HAT1: variants seen among roughly 807,000 people sequenced by gnomAD.
The protein encoded by HAT1 is histone acetyltransferase type B catalytic subunit.
In HAT1, 20 loss-of-function variants were observed where a neutral mutation model predicts 56.6. The ratio of observed to expected loss-of-function variants is 0.35; its 90% CI spans 0.25 to 0.51. The LOEUF is 0.51. HAT1 is among the 20% of genes least tolerant of loss of function. The pLI is 0.95. For synonymous variants in HAT1, 146 were observed against 165.5 expected, an observed-to-expected ratio of 0.88 and a Z score of 0.91; for missense variants, 408 against 504.3, an observed-to-expected ratio of 0.81 and a Z score of 1.83.
At chr2:171,970,353 G>A (rs935192335) in intron 8 of HAT1, among the ~76,000 whole-genome samples, 16 of 151,628 alleles carry the variant, frequency 1.1e-4, no homozygotes, top group Middle Eastern at 6.8e-3. Flanking sequence ...CCTGTGAGCC[G>A]AGATCCTGCC....
At position 171,983,364 on chromosome 2, in the gene HAT1, C is replaced by G. The variant is rs374125888; in HGVS notation, c.*12C>G. 2 of 1,545,722 alleles carry G rather than the reference C, an allele frequency of 1.3e-6. No individual in the cohort carries two copies. The highest frequency in any genetic ancestry group is 2.4e-5 in the South Asian group (2 of 84,352). On this transcript the variant is annotated 3_prime_UTR_variant, in exon 11 of 11. Transcript: ENST00000264108. ...TTGCTCAAGAGTAAAGATTATACTGCTCTGTACAGGAAGCTTGCAAATTTT... is the reference window on the plus strand; with the variant it reads ...TTGCTCAAGAGTAAAGATTATACTGGTCTGTACAGGAAGCTTGCAAATTTT...
rs370493863 is a variant in HAT1, at chr2:171,954,138, G to A, written c.309+1137G>A. 2.7e-4 allele frequency among the ~76,000 whole-genome samples: 41 copies of A among 152,204 alleles called. 1 individual carries two copies. Among genetic ancestry groups the A allele is most frequent in the Non-Finnish European group, 6.0e-4 (41 of 68,008 alleles). On this transcript the variant is annotated intron_variant, in intron 4 of 10. Transcript: ENST00000264108. Reference sequence around the variant, plus strand: ...CTTCTTCATAAAAATCTTTGCCTTTGTGATCAGAGTTTTATTTTTTTGCCA... The same window carrying A: ...CTTCTTCATAAAAATCTTTGCCTTTATGATCAGAGTTTTATTTTTTTGCCA...
chr2:171,941,872 A>G (rs1008116696), intron 2 of HAT1, among the ~76,000 whole-genome samples: 1 of 151,932 alleles, frequency 6.6e-6, no homozygotes, highest in East Asian at 1.9e-4. Context: ...CTGAGCTTCC[A>G]TTTTTCTACA....
At chr2:171,922,968 G>A in intron 1 of HAT1, 1 of 160,384 alleles carries the variant, frequency 6.2e-6, no homozygotes, top group East Asian at 1.8e-4. Context: ...CTAGCGCATT[G>A]CTGCCTTGCC....
intron 2 of HAT1, among the ~76,000 whole-genome samples, chr2:171,932,793 G>A (rs143294964): frequency 1.7e-4 from 26 of 152,150 alleles, no homozygotes; most frequent in South Asian, 6.2e-4. Context: ...CACTTGAGCC[G>A]GAGAGGTGGA....
At chr2:171,967,142 G>A (rs1304393931) in intron 8 of HAT1, among the ~76,000 whole-genome samples, 193 bp downstream of exon 8, 1 of 152,158 alleles carries the variant, frequency 6.6e-6, no homozygotes, top group Non-Finnish European at 1.5e-5. Flanking sequence ...CCCTAACTGT[G>A]AAGTGCATAA....
chr2:171,963,948 G>C (rs969560006), intron 4 of HAT1, among the ~76,000 whole-genome samples: 4 of 152,098 alleles, frequency 2.6e-5, no homozygotes, highest in South Asian at 2.1e-4. Context: ...ATGCTGAAGA[G>C]CTATATTTTC....
chr2:171,975,864 A>G, intron 8 of HAT1, among the ~76,000 whole-genome samples: 1 of 150,580 alleles, frequency 6.6e-6, no homozygotes, highest in East Asian at 2.0e-4. Flanking sequence ...TTTCTACTCT[A>G]TTATTATTAT....
intron 2 of HAT1, among the ~76,000 whole-genome samples, chr2:171,945,660 ATTAT>A (rs1446981290): frequency 6.6e-6 from 1 of 151,250 alleles, no homozygotes; most frequent in Admixed American, 6.6e-5. Flanking sequence ...TGGCTAGCCA[ATTAT>A]TTATTTATTT....
chr2:171,970,134 A>AG (rs1687777991), intron 8 of HAT1, among the ~76,000 whole-genome samples: 1 of 152,124 alleles, frequency 6.6e-6, no homozygotes, highest in Non-Finnish European at 1.5e-5. Flanking sequence ...CACTCCAGCT[A>AG]GGGGGACAGA....
chr2:171,927,980 G>T (rs1456352955), intron 2 of HAT1, among the ~76,000 whole-genome samples: 1 of 151,834 alleles, frequency 6.6e-6, no homozygotes, highest in African/African-American at 2.4e-5. Flanking sequence ...TCTGCCTCCT[G>T]GGTTTAAGTG....
intron 4 of HAT1, among the ~76,000 whole-genome samples, chr2:171,954,681 A>G (rs1392811330): frequency 6.6e-6 from 1 of 152,120 alleles, no homozygotes; most frequent in Non-Finnish European, 1.5e-5. Context: ...GCAAGACTCC[A>G]TCTCAAAAAA....
At chr2:171,932,999 T>C (rs1329851404) in intron 2 of HAT1, among the ~76,000 whole-genome samples, 1 of 152,202 alleles carries the variant, frequency 6.6e-6, no homozygotes, top group Non-Finnish European at 1.5e-5. Context: ...ATTGCCTTTG[T>C]CTGTTATTTA....
intron 2 of HAT1, among the ~76,000 whole-genome samples, chr2:171,930,856 C>T (rs1379604333): frequency 1.3e-5 from 2 of 151,928 alleles, no homozygotes; most frequent in Non-Finnish European, 1.5e-5. Context: ...CTCAAGCAAT[C>T]CTCTTGCCTC....
At chr2:171,957,001 A>T (rs1687463445) in intron 4 of HAT1, among the ~76,000 whole-genome samples, 1 of 152,190 alleles carries the variant, frequency 6.6e-6, no homozygotes, top group African/African-American at 2.4e-5. Context: ...CTCAGCAAAA[A>T]GCTAGGAATG....
At chr2:171,930,264 C>T (rs1014595439) in intron 2 of HAT1, among the ~76,000 whole-genome samples, 2 of 152,082 alleles carry the variant, frequency 1.3e-5, no homozygotes. Context: ...CCTCTGCCTC[C>T]GAGCTCAAGT....
chr2:171,951,389 T>A (rs1687303346), intron 3 of HAT1, among the ~76,000 whole-genome samples: 1 of 152,144 alleles, frequency 6.6e-6, no homozygotes, highest in African/African-American at 2.4e-5. Context: ...GTGTAATATC[T>A]TAGTAGATAA....
intron 4 of HAT1, among the ~76,000 whole-genome samples, chr2:171,955,890 C>T (rs1223749276): frequency 6.6e-6 from 1 of 151,706 alleles, no homozygotes; most frequent in African/African-American, 2.4e-5. Context: ...ACTAAAAATA[C>T]AAAAATTAGC....
chr2:171,946,305 A>G (rs1437605782), intron 2 of HAT1, among the ~76,000 whole-genome samples: 1 of 152,228 alleles, frequency 6.6e-6, no homozygotes, highest in Non-Finnish European at 1.5e-5. Context: ...CATCAAACTC[A>G]GGTTATTGTT....
Sources: gnomAD v4.1 joint callset for allele counts (sites outside exome capture counted in the v4.1 genomes callset) on GRCh38, gnomAD v4.1.1 for gene constraint, MANE v1.5 for transcripts, NCBI Gene and HGNC (gene_info 2026-07-23, HGNC 2026-07-21) for gene names.